MRPL34: variants seen among roughly 807,000 people sequenced by gnomAD.
MRPL34 encodes large ribosomal subunit protein bL34m.
In MRPL34, 8 loss-of-function variants were observed where a neutral mutation model predicts 6.7. That is an observed-to-expected ratio of 1.20 (90% confidence interval 0.70 to 2.16). The LOEUF is 2.16. MRPL34 is among the 30% of genes most tolerant of loss of function. The pLI, the probability that MRPL34 is intolerant of heterozygous loss-of-function variation, is 0.00. For missense variants in MRPL34, 146 were observed against 125.5 expected (o/e 1.16, Z -0.78); for synonymous variants, 59 against 55.1 (o/e 1.07, Z -0.31).
upstream of MRPL34, chr19:17,301,159 C>T: frequency 6.2e-7 from 1 of 1,610,464 alleles, no homozygotes; most frequent in Non-Finnish European, 8.5e-7. Flanking sequence ...CCTCTTGGGG[C>T]GCCTGGCTCG....
upstream of MRPL34, chr19:17,301,451 C>G: frequency 1.2e-6 from 2 of 1,611,904 alleles, no homozygotes; most frequent in East Asian, 4.5e-5. Context: ...GGAGGTGGGG[C>G]AGCGGCTGGG....
At chr19:17,294,268 C>T (rs1290547821) in intron 1 of MRPL34, 3 of 1,590,896 alleles carry the variant, frequency 1.9e-6, no homozygotes, top group African/African-American at 1.3e-5. Context: ...AGCTGTGGCG[C>T]CCCAGGTGCC....
At chr19:17,302,718 G>A (rs2074126262), upstream of MRPL34, 2 of 152,272 alleles carry the variant, frequency 1.3e-5, no homozygotes, top group Admixed American at 6.5e-5. Flanking sequence ...CAGAGGTGGC[G>A]AAGAGGATGG....
chr19:17,305,973 G>A lies in MRPL34; in HGVS notation c.65+16G>A, dbSNP rs756022757. 1 of 1,613,866 alleles carries A rather than the reference G, an allele frequency of 6.2e-7. No individual in the cohort carries two copies. Among genetic ancestry groups the A allele is most frequent in the African/African-American group, 1.3e-5 (1 of 74,934 alleles). ...TGGGTGGCAGGTAAGTCCTCAGGGG[G>A]ACCCTTCCCCAAATCAGGGAATAAG... On this transcript the variant is annotated intron_variant, in intron 1 of 1. Transcript: ENST00000252602.
rs1181107717 is a variant in MRPL34 at position 17,292,801 on chromosome 19, C to T, written c.161C>T (p.Ser54Leu). 6.2e-7 allele frequency: 1 copy of T among 1,612,776 alleles called. No homozygotes were observed. The highest frequency in any genetic ancestry group is 8.5e-7 in the Non-Finnish European group (1 of 1,179,436). The change falls in exon 1 of 3, where the codon TCG (serine) becomes TTG (leucine). Residue 54 changes from serine (S) to leucine (L), a missense_variant. Transcript: ENST00000595444. ...AGCATCACCATGTGGCTGCCCTCGT[C>T]GATGAGCTTCAGGAATGCCAGGAGC... is the stretch of plus-strand genomic sequence containing the variant.
upstream of MRPL34, chr19:17,301,733 G>A (rs976352133): frequency 1.5e-6 from 2 of 1,309,676 alleles, no homozygotes; most frequent in Admixed American, 6.7e-5. Flanking sequence ...TCCAGTTTGG[G>A]GAGCGCCAGA....
chr19:17,296,292 G>A (rs931212672), intron 1 of MRPL34: 19 of 152,298 alleles, frequency 1.2e-4, no homozygotes, highest in African/African-American at 4.6e-4. Flanking sequence ...GGGCTCAAGT[G>A]ATCCTTCCAC....
At chr19:17,294,257 T>C (rs143298280) in intron 1 of MRPL34, 36 of 1,587,256 alleles carry the variant, frequency 2.3e-5, no homozygotes, top group Admixed American at 8.4e-5. Context: ...TGGGGATTTG[T>C]AGCTGTGGCG....
upstream of MRPL34, among the ~76,000 whole-genome samples, chr19:17,300,429 ACTCCTTGC>A: frequency 6.6e-6 from 1 of 150,968 alleles, no homozygotes; most frequent in South Asian, 2.1e-4. Context: ...CTGGTCTCAA[ACTCCTTGC>A]CTCAAGATAT....
chr19:17,292,622 C>A (rs1243652005), exon 1 of MRPL34: 2 of 1,570,318 alleles, frequency 1.3e-6, no homozygotes, highest in African/African-American at 1.3e-5. Context: ...CCTCCTGCTG[C>A]GGCTGTGCTC....
At chr19:17,296,222 T>C (rs2074093377) in intron 1 of MRPL34, 1 of 151,546 alleles carries the variant, frequency 6.6e-6, no homozygotes, top group African/African-American at 2.4e-5. Flanking sequence ...ATTTTAATTG[T>C]TTAAAATTTT....
At chr19:17,293,159 A>ACG (rs1306969983) in intron 1 of MRPL34, among the ~76,000 whole-genome samples, 16 of 146,176 alleles carry the variant, frequency 1.1e-4, no homozygotes, top group Non-Finnish European at 1.9e-4. Flanking sequence ...GCAGTGGCGT[A>ACG]ATCTCGGCTC....
chr19:17,299,396 C>T (rs2074107546), upstream of MRPL34, among the ~76,000 whole-genome samples: 1 of 151,738 alleles, frequency 6.6e-6, no homozygotes, highest in South Asian at 2.1e-4. Flanking sequence ...CCCGTCTGTA[C>T]TAAAAAGACA....
chr19:17,304,696 C>G (rs1364156984), upstream of MRPL34, among the ~76,000 whole-genome samples: 2 of 152,212 alleles, frequency 1.3e-5, no homozygotes, highest in Non-Finnish European at 2.9e-5. Flanking sequence ...CAGCCCCAGG[C>G]CCCTGGCCCT....
chr19:17,293,216 C>T (rs1002558378), intron 1 of MRPL34, among the ~76,000 whole-genome samples: 9 of 151,690 alleles, frequency 5.9e-5, no homozygotes, highest in Non-Finnish European at 1.3e-4. Flanking sequence ...TTGCCTCAGC[C>T]TCCCAAGTAG....
upstream of MRPL34, among the ~76,000 whole-genome samples, chr19:17,303,905 C>T (rs2074133731): frequency 6.6e-6 from 1 of 152,196 alleles, no homozygotes; most frequent in Non-Finnish European, 1.5e-5. Flanking sequence ...GGGACTTGAA[C>T]CCAAGGCTGT....
upstream of MRPL34, among the ~76,000 whole-genome samples, chr19:17,304,216 G>A (rs942075852): frequency 2.6e-5 from 4 of 152,216 alleles, no homozygotes; most frequent in African/African-American, 9.6e-5. Flanking sequence ...GATAGCAAGA[G>A]GCAGGCATCC....
Position 17,294,761 on chromosome 19 carries a change from C to T in MRPL34, c.214+1907C>T, listed in dbSNP as rs200026977. On this transcript the variant is annotated intron_variant, in intron 1 of 2. Coordinates refer to the MRPL34 transcript ENST00000595444. ...AGATTGAGCAGAAGCTGGGCTCCAG[C>T]GCCGTAGGGCCCCCGCCATTGATCA... 5.7e-5 allele frequency: 92 copies of T among 1,614,148 alleles called. 1 individual carries two copies. In the East Asian group the frequency reaches 1.8e-3, roughly 32 times the overall value.
At chr19:17,300,133 T>C, upstream of MRPL34, among the ~76,000 whole-genome samples, 1 of 152,104 alleles carries the variant, frequency 6.6e-6, no homozygotes, top group Admixed American at 6.6e-5. Flanking sequence ...CTCAATCTTC[T>C]GACCTCGTGA....
Sources: gnomAD v4.1 joint callset for allele counts (sites outside exome capture counted in the v4.1 genomes callset) on GRCh38, gnomAD v4.1.1 for gene constraint, MANE v1.5 for transcripts, NCBI Gene and HGNC (gene_info 2026-07-23, HGNC 2026-07-21) for gene names.